Variants in KCTD16 observed in about 807,000 individuals in gnomAD.
KCTD16 encodes BTB/POZ domain-containing protein KCTD16.
Under a neutral mutation model 33.2 loss-of-function variants are expected in KCTD16, and 13 were observed. The observed-to-expected ratio is 0.39, with a 90% CI of 0.25 to 0.62. The LOEUF (loss-of-function observed/expected upper bound fraction) is 0.62, where lower values mean the gene tolerates loss of function less well. KCTD16 is among the 20% of genes least tolerant of loss of function. The pLI is 0.50. For missense variants in KCTD16, 441 were observed against 525.1 expected (o/e 0.84, Z 1.57); for synonymous variants, 197 against 195.3 (o/e 1.01, Z -0.07).
At chr5:144,263,369 A>G (rs954417443) in intron 3 of KCTD16, among the ~76,000 whole-genome samples, 3 of 152,166 alleles carry the variant, frequency 2.0e-5, no homozygotes, top group Non-Finnish European at 4.4e-5. Context: ...TATTATAATT[A>G]TTAAGTCTCA....
chr5:144,394,012 T>G (rs1752511656), intron 3 of KCTD16, among the ~76,000 whole-genome samples: 1 of 149,788 alleles, frequency 6.7e-6, no homozygotes. Flanking sequence ...GCTTTGCACA[T>G]GGTCGGGAAC....
intron 1 of KCTD16, among the ~76,000 whole-genome samples, chr5:144,173,240 C>T (rs1752433008): frequency 6.6e-6 from 1 of 152,180 alleles, no homozygotes; most frequent in Non-Finnish European, 1.5e-5. Flanking sequence ...AAATGTCCAT[C>T]CATCATAGAC....
At position 144,428,967 on chromosome 5, in the gene KCTD16, C is replaced by G. The variant is rs78120162; in HGVS notation, c.833-44693C>G. ...GGCAAGAATAATATTTCTTACTTTC[C>G]TAAAATGTCTTTTCAAGATTGTGTG... On this transcript the variant is annotated intron_variant, in intron 3 of 3. Coordinates refer to ENST00000512467, the MANE Select transcript of KCTD16 (RefSeq NM_020768.4). Among the ~76,000 whole-genome samples, 794 of 152,162 alleles carry G rather than the reference C, an allele frequency of 5.2e-3. 7 individuals are homozygous for G. The highest frequency in any genetic ancestry group is 0.018 in the African/African-American group (761 of 41,512).
chr5:144,210,716 G>A (rs1753359781), intron 3 of KCTD16, among the ~76,000 whole-genome samples: 1 of 152,080 alleles, frequency 6.6e-6, no homozygotes. Flanking sequence ...CAGGTGCATG[G>A]AAATAAATGA....
chr5:144,478,120 A>C lies in KCTD16; in HGVS notation c.*4006A>C, dbSNP rs1179392372. ...TCTTGATGCCCCACAGTTTCAATTT[A>C]TTTATTTTCTTTTATATTGTCAAAA... On this transcript the variant is annotated 3_prime_UTR_variant, in exon 4 of 4. Coordinates refer to ENST00000512467, the MANE Select transcript of KCTD16 (RefSeq NM_020768.4). 6.6e-6 allele frequency: 1 copy of C among 151,996 alleles called. No individual in the cohort carries two copies. Among genetic ancestry groups the C allele is most frequent in the African/African-American group, 2.4e-5 (1 of 41,402 alleles). The allele number at this position is 151,996 out of a possible 1,614,324, so 9.4% of individuals were successfully genotyped here. A position where few individuals can be genotyped will look rare whatever the true frequency, so the allele number is the denominator to read the frequency against.
At chr5:144,296,704 C>T (rs1237762004) in intron 3 of KCTD16, among the ~76,000 whole-genome samples, 1 of 152,030 alleles carries the variant, frequency 6.6e-6, no homozygotes, top group East Asian at 1.9e-4. Flanking sequence ...AAGAAAACTA[C>T]TAGATATGGA....
intron 3 of KCTD16, among the ~76,000 whole-genome samples, chr5:144,402,884 G>A (rs189171209): frequency 1.6e-3 from 241 of 152,256 alleles, no homozygotes; most frequent in African/African-American, 5.6e-3. Flanking sequence ...TTCTGTTACC[G>A]TTTGGAGGTT....
intron 3 of KCTD16, among the ~76,000 whole-genome samples, chr5:144,421,887 C>A (rs1753219762): frequency 2.0e-5 from 3 of 152,018 alleles, no homozygotes; most frequent in Non-Finnish European, 4.4e-5. Context: ...GGACAGAAAT[C>A]ATATAGAATT....
intron 3 of KCTD16, among the ~76,000 whole-genome samples, chr5:144,393,787 T>A (rs571992218): frequency 1.3e-5 from 2 of 152,274 alleles, no homozygotes; most frequent in Admixed American, 1.3e-4. Context: ...TTGCCAACTT[T>A]ATTTTGTTAG....
chr5:144,186,351 T>TAA (rs1561522368), intron 2 of KCTD16, among the ~76,000 whole-genome samples: 177 of 121,646 alleles, frequency 1.5e-3, no homozygotes, highest in East Asian at 4.6e-3. Flanking sequence ...CTCATTTTTT[T>TAA]TAAAAAAAAA....
chr5:144,336,866 A>C (rs1246790774), intron 3 of KCTD16, among the ~76,000 whole-genome samples: 1 of 152,018 alleles, frequency 6.6e-6, no homozygotes, highest in Non-Finnish European at 1.5e-5. Context: ...CATATTCATG[A>C]AACTACCTGG....
At chr5:144,376,239 T>G (rs766363027) in intron 3 of KCTD16, among the ~76,000 whole-genome samples, 2 of 152,206 alleles carry the variant, frequency 1.3e-5, no homozygotes, top group Non-Finnish European at 2.9e-5. Flanking sequence ...TCCTGCTGGT[T>G]GATAATTAAC....
chr5:144,301,358 T>C (rs1751433813), intron 3 of KCTD16, among the ~76,000 whole-genome samples: 1 of 151,472 alleles, frequency 6.6e-6, no homozygotes, highest in Admixed American at 6.6e-5. Context: ...AGAAGCTGCA[T>C]AGAGATTGAA....
At chr5:144,380,318 A>G (rs1752183463) in intron 3 of KCTD16, among the ~76,000 whole-genome samples, 3 of 152,260 alleles carry the variant, frequency 2.0e-5, no homozygotes, top group Middle Eastern at 6.8e-3. Flanking sequence ...GAGTTACAAA[A>G]CACCACTGAA....
At chr5:144,464,708 C>CTCTTCT (rs3078472) in intron 3 of KCTD16, among the ~76,000 whole-genome samples, 59 of 150,752 alleles carry the variant, frequency 3.9e-4, no homozygotes, top group African/African-American at 1.2e-3. Context: ...CTTCCTCCTC[C>CTCTTCT]TCTTCTTCTT....
At chr5:144,335,189 C>T (rs1023024060) in intron 3 of KCTD16, among the ~76,000 whole-genome samples, 1 of 152,198 alleles carries the variant, frequency 6.6e-6, no homozygotes, top group Non-Finnish European at 1.5e-5. Flanking sequence ...AATTAACTCC[C>T]ATGACATAGC....
chr5:144,375,304 C>T (rs1055616091), intron 3 of KCTD16, among the ~76,000 whole-genome samples: 7 of 152,248 alleles, frequency 4.6e-5, no homozygotes, highest in African/African-American at 1.7e-4. Flanking sequence ...GTAGTCTCTC[C>T]CAAAATATAT....
chr5:144,345,349 T>TAAA (rs1554089005), intron 3 of KCTD16, among the ~76,000 whole-genome samples: 1 of 151,604 alleles, frequency 6.6e-6, no homozygotes, highest in Non-Finnish European at 1.5e-5. Context: ...AAACTTAAAG[T>TAAA]ATAATAATAA....
At chr5:144,185,369 T>C (rs2126776370) in intron 2 of KCTD16, among the ~76,000 whole-genome samples, 1 of 152,318 alleles carries the variant, frequency 6.6e-6, no homozygotes, top group African/African-American at 2.4e-5. Flanking sequence ...AAGATACTCA[T>C]TGCCTCAGTG....
Sources: gnomAD v4.1 joint callset for allele counts (sites outside exome capture counted in the v4.1 genomes callset) on GRCh38, gnomAD v4.1.1 for gene constraint, MANE v1.5 for transcripts, NCBI Gene and HGNC (gene_info 2026-07-23, HGNC 2026-07-21) for gene names.